The following LPP variants were observed in gnomAD, a reference collection of about 807,000 sequenced individuals.
LPP encodes the protein lipoma-preferred partner.
LPP carries 38 observed loss-of-function variants against 60.4 expected under a neutral mutation model. The ratio of observed to expected loss-of-function variants is 0.63; its 90% CI spans 0.49 to 0.83. The LOEUF (loss-of-function observed/expected upper bound fraction) is 0.83. Ranked by LOEUF, LPP falls within the 40% of genes least tolerant of loss-of-function variation. LPP has a pLI of 0.00. For synonymous variants in LPP, 328 were observed against 290.8 expected (o/e 1.13, Z -1.30); for missense variants, 902 against 783.6 (o/e 1.15, Z -1.80).
intron 2 of LPP, among the ~76,000 whole-genome samples, chr3:188,261,967 C>T (rs947799835): frequency 1.3e-5 from 2 of 152,156 alleles, no homozygotes; most frequent in Non-Finnish European, 2.9e-5. Flanking sequence ...TGAATATTAT[C>T]TTCATTTCCT....
intron 4 of LPP, among the ~76,000 whole-genome samples, chr3:188,426,784 T>A (rs1369139759): frequency 6.6e-6 from 1 of 152,194 alleles, no homozygotes; most frequent in Admixed American, 6.5e-5. Context: ...CCCTGCTTTT[T>A]TTTGCTTTCC....
At chr3:188,333,708 T>A (rs186152046) in intron 2 of LPP, among the ~76,000 whole-genome samples, 234 of 152,356 alleles carry the variant, frequency 1.5e-3, no homozygotes, top group Non-Finnish European at 2.1e-3. Flanking sequence ...ATGAATTTTT[T>A]AAAAGTATTT....
intron 1 of LPP, among the ~76,000 whole-genome samples, chr3:188,202,644 G>A (rs1229040445): frequency 3.3e-5 from 5 of 152,204 alleles, no homozygotes; most frequent in East Asian, 1.9e-4. Context: ...GATGGCAGCC[G>A]CGTGCGTTCC....
chr3:188,297,899 G>T (rs1748476056), intron 2 of LPP, among the ~76,000 whole-genome samples: 1 of 152,208 alleles, frequency 6.6e-6, no homozygotes, highest in Non-Finnish European at 1.5e-5. Context: ...TCATAGAAAT[G>T]TAGTAGCCAT....
At chr3:188,222,422 G>A (rs1305988717) in intron 1 of LPP, among the ~76,000 whole-genome samples, 1 of 152,148 alleles carries the variant, frequency 6.6e-6, no homozygotes, top group Admixed American at 6.6e-5. Context: ...TGCCATACGT[G>A]CTAGATATGG....
intron 4 of LPP, among the ~76,000 whole-genome samples, chr3:188,450,575 T>C (rs1796350327): frequency 6.6e-6 from 1 of 151,996 alleles, no homozygotes; most frequent in Admixed American, 6.6e-5. Flanking sequence ...TGAAACTCCT[T>C]CTCTACTAAA....
chr3:188,477,063 A>T (rs1279517266), intron 4 of LPP, among the ~76,000 whole-genome samples: 1 of 152,220 alleles, frequency 6.6e-6, no homozygotes, highest in African/African-American at 2.4e-5. Context: ...GAGGTCTGTG[A>T]TCCCACTGAC....
intron 2 of LPP, among the ~76,000 whole-genome samples, chr3:188,234,148 C>A (rs1360265841): frequency 6.6e-6 from 1 of 152,114 alleles, no homozygotes; most frequent in Admixed American, 6.6e-5. Context: ...CAAACCCCCA[C>A]CCCTGCTCCA....
intron 9 of LPP, among the ~76,000 whole-genome samples, chr3:188,856,824 G>T (rs1398352689): frequency 3.3e-5 from 5 of 152,160 alleles, no homozygotes; most frequent in Non-Finnish European, 1.5e-5. Context: ...TGAGGCTTTG[G>T]ATAGGATTAT....
At position 188,610,372 on chromosome 3, in the gene LPP, C is replaced by A. The variant is rs141159911; in HGVS notation, c.1113+528C>A. On this transcript the variant is annotated intron_variant, in intron 7 of 11. Transcript: ENST00000617246. This position sits in a 1 kb window ranked among gnomAD's most constrained non-coding sequence, Gnocchi z 4.4. ...AACTCCCGCAATGTTGGTACCACAGCGGTTGCTGGGCCAGAACAAGTGGCC... is the reference window on the plus strand; with the variant it reads ...AACTCCCGCAATGTTGGTACCACAGAGGTTGCTGGGCCAGAACAAGTGGCC... Among the ~76,000 whole-genome samples the A allele has an allele frequency of 6.6e-6, 1 of 152,144 alleles. No individual in the cohort carries two copies. The highest frequency in any genetic ancestry group is 2.4e-5 in the African/African-American group (1 of 41,444).
intron 6 of LPP, among the ~76,000 whole-genome samples, chr3:188,536,260 C>T (rs987357379): frequency 2.0e-5 from 3 of 152,108 alleles, no homozygotes; most frequent in African/African-American, 7.2e-5. Context: ...CTGCCCGCCT[C>T]GGCCTCCCAA....
intron 4 of LPP, 79 bp from the exon 5 acceptor site, chr3:188,484,513 T>A (rs1347382568): frequency 1.9e-6 from 2 of 1,026,946 alleles, no homozygotes; most frequent in Non-Finnish European, 2.9e-6. Flanking sequence ...TATAAAAAAG[T>A]AAAATGCCAG....
chr3:188,168,620 T>C (rs1053445373), intron 1 of LPP, among the ~76,000 whole-genome samples: 2 of 152,218 alleles, frequency 1.3e-5, no homozygotes, highest in Non-Finnish European at 2.9e-5. Context: ...GAACCTCTTT[T>C]GACATGTTTT....
chr3:188,208,319 G>GTATGTAAA (rs1431972522), intron 1 of LPP: 1 of 152,226 alleles, frequency 6.6e-6, no homozygotes, highest in Non-Finnish European at 1.5e-5. Context: ...GCAAGACCTG[G>GTATGTAAA]TATGTAAATG....
At chr3:188,826,736 C>T (rs189228468) in intron 9 of LPP, among the ~76,000 whole-genome samples, 86 of 152,158 alleles carry the variant, frequency 5.7e-4, no homozygotes, top group Middle Eastern at 6.8e-3. Flanking sequence ...AACATATTGC[C>T]CTAATTGTCC....
Position 188,211,831 on chromosome 3 carries a change from C to CT in LPP, c.-189-13561dup, listed in dbSNP as rs34294160. On this transcript the variant is annotated intron_variant, in intron 1 of 11. Coordinates refer to ENST00000617246, the MANE Select transcript of LPP (RefSeq NM_001375462.1). Reference sequence around the variant, plus strand: ...TGAGAGACTTGGGGCTGTTCTTTTTCTTTTTTTTTTTTTGAGAAGAAGTTT... The same window carrying CT: ...TGAGAGACTTGGGGCTGTTCTTTTTCTTTTTTTTTTTTTTGAGAAGAAGTTT... Among the ~76,000 whole-genome samples, 376 of 144,660 alleles carry CT rather than the reference C, an allele frequency of 2.6e-3. 2 individuals are homozygous for CT. Among genetic ancestry groups the CT allele is most frequent in the African/African-American group, 6.5e-3 (261 of 39,872 alleles). The allele number at this position is 144,660 out of a possible 152,430, so 94.9% of individuals were successfully genotyped here.
chr3:188,294,124 G>A (rs754555578), intron 2 of LPP, among the ~76,000 whole-genome samples: 16 of 142,680 alleles, frequency 1.1e-4, no homozygotes, highest in Non-Finnish European at 2.3e-4. Flanking sequence ...TTCCATTTAT[G>A]TGAAAAGCCC....
intron 3 of LPP, among the ~76,000 whole-genome samples, chr3:188,343,715 C>T (rs1035777273): frequency 2.6e-5 from 4 of 152,038 alleles, no homozygotes; most frequent in Non-Finnish European, 4.4e-5. Flanking sequence ...TTTCTCTTTT[C>T]GTTATATTTT....
chr3:188,523,742 G>T (rs1261768199), intron 5 of LPP, among the ~76,000 whole-genome samples: 1 of 152,096 alleles, frequency 6.6e-6, no homozygotes, highest in Admixed American at 6.5e-5. Flanking sequence ...TTCCACTATT[G>T]TATTGCCATT....
Sources: allele counts gnomAD v4.1 joint callset (sites outside exome capture counted in the v4.1 genomes callset), GRCh38; gene constraint gnomAD v4.1.1; non-coding constraint Gnocchi (gnomAD v3.1); transcripts MANE v1.5; gene names NCBI Gene and HGNC (gene_info 2026-07-23, HGNC 2026-07-21).